TNPO3: variants seen among roughly 807,000 people sequenced by gnomAD.
The protein encoded by TNPO3 is transportin 3.
Under a neutral mutation model 122.8 loss-of-function variants are expected in TNPO3, and 65 were observed. That is an observed-to-expected ratio of 0.53 (90% confidence interval 0.43 to 0.65). The LOEUF is 0.65. Among genes scored for constraint, TNPO3 ranks in the 30% least tolerant of loss-of-function variants. TNPO3 has a pLI of 0.00. For synonymous variants in TNPO3, 372 were observed against 411.2 expected, an observed-to-expected ratio of 0.90 and a Z score of 1.15; for missense variants, 850 against 1,136.7, an observed-to-expected ratio of 0.75 and a Z score of 3.63.
intron 1 of TNPO3, among the ~76,000 whole-genome samples, chr7:129,039,558 T>TAA (rs202218466): frequency 1.3e-5 from 2 of 150,978 alleles, no homozygotes; most frequent in African/African-American, 4.9e-5. Flanking sequence ...AGATTCTGTC[T>TAA]AAAAAAAAAT....
chr7:129,019,587 A>C (rs1043338882), intron 1 of TNPO3, among the ~76,000 whole-genome samples: 2 of 152,160 alleles, frequency 1.3e-5, no homozygotes, highest in Non-Finnish European at 2.9e-5. Context: ...TGTGGCTCAT[A>C]CCTATAATCC....
chr7:129,053,122 G>C (rs987848338), intron 1 of TNPO3, among the ~76,000 whole-genome samples: 2 of 152,104 alleles, frequency 1.3e-5, no homozygotes, highest in African/African-American at 2.4e-5. Flanking sequence ...GTCGGAGTTA[G>C]AGACCAGCCT....
intron 1 of TNPO3, among the ~76,000 whole-genome samples, chr7:129,020,012 T>A (rs28531900): frequency 6.6e-6 from 1 of 151,390 alleles, no homozygotes; most frequent in Non-Finnish European, 1.5e-5. Context: ...AAATAAAAAA[T>A]AAAAAATTAG....
At chr7:128,958,364 C>T (rs950654533) in intron 21 of TNPO3, among the ~76,000 whole-genome samples, 6 of 151,962 alleles carry the variant, frequency 3.9e-5, no homozygotes, top group South Asian at 2.1e-4. Context: ...AGGCTGGTCT[C>T]GAACTCCTGA....
Position 128,978,969 on chromosome 7 carries a change from A to G in TNPO3, c.2061+14T>C, listed in dbSNP as rs1335507002. 1 of 1,613,660 alleles carries G rather than the reference A, an allele frequency of 6.2e-7. No homozygotes were observed. ...TGTACATGGAACACGTCCCCCCGCA[A>G]CAGATAACTTTACCTGTGTGACTAG... On this transcript the variant is annotated intron_variant, in intron 16 of 22. Transcript: ENST00000265388.
chr7:128,977,659 C>T (rs1366449389), intron 16 of TNPO3, among the ~76,000 whole-genome samples: 3 of 149,890 alleles, frequency 2.0e-5, no homozygotes, highest in East Asian at 2.0e-4. Context: ...TGCAGTGGCA[C>T]GATCTCAGCT....
Position 128,975,904 on chromosome 7 carries a change from G to T in TNPO3, c.2093C>A (p.Ser698Tyr). Residue 698 changes from serine (S) to tyrosine (Y), a missense_variant, in exon 17 of 23, where the codon TCC becomes TAC. Transcript: ENST00000265388. ...MVNVYHVHQH[S>Y]CFLYLGSILV... ...GATACTGCCAAGGTACAGGAAGCAG[G>T]AATGCTGATGTACGTGGTACACATT... 6.2e-7 allele frequency: 1 copy of T among 1,613,924 alleles called. No homozygotes were observed. Among genetic ancestry groups the T allele is most frequent in the Non-Finnish European group, 8.5e-7 (1 of 1,179,774 alleles).
intron 4 of TNPO3, among the ~76,000 whole-genome samples, chr7:129,007,756 T>C (rs1802732001): frequency 6.6e-6 from 1 of 152,230 alleles, no homozygotes; most frequent in Admixed American, 6.5e-5. Context: ...TAACTATGAG[T>C]ATACACATAA....
In TNPO3 at chr7:128,970,052, A is replaced by G. The variant is rs970379734; in HGVS notation, c.2598+96T>C. 9 of 1,494,722 alleles carry G rather than the reference A, an allele frequency of 6.0e-6. No individual in the cohort carries two copies. The Middle Eastern group carries it at 8.9e-4, about 148-fold the overall frequency. The allele number at this position is 1,494,722 out of a possible 1,614,324, so 92.6% of individuals were successfully genotyped here. ...CCTAAATTTGGTTCCATGGACAGAA[A>G]ACAGGGCTAGTTTCAAAATTAGGGT... is the stretch of plus-strand genomic sequence containing the variant. On this transcript the variant is annotated intron_variant, in intron 20 of 22. Transcript: ENST00000265388.
intron 3 of TNPO3, 65 bp downstream of exon 3, chr7:129,016,918 A>C: frequency 7.0e-7 from 1 of 1,426,058 alleles, no homozygotes; most frequent in South Asian, 1.2e-5. Flanking sequence ...TATTGCTAAC[A>C]AATTTCTCTG....
Position 128,978,845 on chromosome 7 carries a change from T to A in TNPO3, c.2061+138A>T, listed in dbSNP as rs887762657. ...CAGGGTTTCACCATGTTGGCCAGGC[T>A]GGTCTTGAACTCCTGACCTCAGGTG... On this transcript the variant is annotated intron_variant, in intron 16 of 22. Transcript: ENST00000265388. 6 of 915,882 alleles carry A rather than the reference T, an allele frequency of 6.6e-6. No homozygotes were observed. In the African/African-American group the frequency reaches 1.0e-4, roughly 15 times the overall value. The allele number at this position is 915,882 out of a possible 1,614,324, so 56.7% of individuals were successfully genotyped here.
At chr7:128,996,124 A>G (rs1370598348) in intron 8 of TNPO3, among the ~76,000 whole-genome samples, 3 of 152,238 alleles carry the variant, frequency 2.0e-5, no homozygotes, top group Non-Finnish European at 4.4e-5. Context: ...ATTAAAATTA[A>G]GAGAACAGCA....
intron 5 of TNPO3, among the ~76,000 whole-genome samples, chr7:129,002,173 C>T (rs565726228): frequency 6.6e-6 from 1 of 152,274 alleles, no homozygotes; most frequent in Non-Finnish European, 1.5e-5. Context: ...CCTAGCTGAG[C>T]CATCAATCAA....
chr7:129,016,834 GT>G (rs1215087842), intron 3 of TNPO3, 148 bp downstream of exon 3: 1 of 643,598 alleles, frequency 1.6e-6, no homozygotes, highest in Non-Finnish European at 2.6e-6. Flanking sequence ...TTTTAGATAA[GT>G]TTCATTTAAT....
chr7:128,990,173 C>T lies in TNPO3; in HGVS notation c.1359-73G>A, dbSNP rs1154329. 1,332,194 of 1,562,586 alleles carry T rather than the reference C, an allele frequency of 0.85. 568,450 individuals carry two copies. Among genetic ancestry groups the T allele is most frequent in the East Asian group, 0.99 (44,357 of 44,646 alleles). ...ATTCTGGCCAAATAACAGGCTGTGA[C>T]GACACACAGCATTGCTAAAGGGCTT... On this transcript the variant is annotated intron_variant, in intron 10 of 22. Coordinates refer to ENST00000265388, the MANE Select transcript of TNPO3 (RefSeq NM_012470.4).
chr7:129,025,301 G>C (rs1318525149), intron 1 of TNPO3, among the ~76,000 whole-genome samples: 1 of 129,850 alleles, frequency 7.7e-6, no homozygotes, highest in Non-Finnish European at 1.6e-5. Context: ...AGTGAGCCGA[G>C]ATCGTACCAC....
intron 1 of TNPO3, chr7:129,030,182 A>T (rs889130952): frequency 5.8e-6 from 1 of 173,184 alleles, no homozygotes; most frequent in African/African-American, 2.4e-5. Context: ...TGCAAAAGAG[A>T]CCTAGATCAG....
chr7:128,984,051 T>C, intron 13 of TNPO3, 117 bp downstream of exon 13: 1 of 545,644 alleles, frequency 1.8e-6, no homozygotes, highest in Admixed American at 3.6e-5. Context: ...AAATTCTTAG[T>C]GCATTTTCTT....
intron 3 of TNPO3, among the ~76,000 whole-genome samples, chr7:129,016,369 G>A (rs552861154): frequency 9.2e-5 from 14 of 152,226 alleles, no homozygotes; most frequent in Non-Finnish European, 1.9e-4. Context: ...ACTCCAGCCT[G>A]GGCAACAAGA....
Sources: gnomAD v4.1 joint callset for allele counts (sites outside exome capture counted in the v4.1 genomes callset) on GRCh38, gnomAD v4.1.1 for gene constraint, MANE v1.5 for transcripts, NCBI Gene and HGNC (gene_info 2026-07-23, HGNC 2026-07-21) for gene names.